The following CDO1 variants were observed in gnomAD, a reference collection of about 807,000 sequenced individuals.
CDO1 encodes cysteine dioxygenase type 1.
A neutral mutation model predicts 24.5 loss-of-function variants in CDO1; 19 were observed. The observed-to-expected ratio is 0.77, with a 90% CI of 0.54 to 1.14. The LOEUF (loss-of-function observed/expected upper bound fraction) is 1.14. Ranked by LOEUF, CDO1 falls within the 50% of genes most tolerant of loss-of-function variation. The pLI is 0.00. For missense variants in CDO1, 244 were observed against 244.8 expected (o/e 1.00, Z 0.02); for synonymous variants, 91 against 87.0 (o/e 1.05, Z -0.26).
At chr5:115,812,168 A>G (rs1228373664) in intron 2 of CDO1, among the ~76,000 whole-genome samples, 1 of 152,230 alleles carries the variant, frequency 6.6e-6, no homozygotes, top group African/African-American at 2.4e-5. Flanking sequence ...TTTCAAAAAT[A>G]TTGAGAGAAT....
Position 115,816,595 on chromosome 5 carries a change from T to C in CDO1, c.-198A>G, listed in dbSNP as rs1760465724. On this transcript the variant is annotated 5_prime_UTR_variant, in exon 1 of 5. Coordinates refer to ENST00000250535, the MANE Select transcript of CDO1 (RefSeq NM_001801.3). ...AGCAAGAGACCCACCCCCAGGCCCC[T>C]GGCAGCGCAGTGGATCCGGGATCGC... is the stretch of plus-strand genomic sequence containing the variant. 8.3e-6 allele frequency: 5 copies of C among 601,356 alleles called. No homozygotes were observed. The East Asian group carries it at 1.4e-4, about 17-fold the overall frequency. The allele number at this position is 601,356 out of a possible 1,614,324, so 37.3% of individuals were successfully genotyped here. A position where few individuals can be genotyped will look rare whatever the true frequency, so the allele number is the denominator to read the frequency against.
In CDO1 at chr5:115,815,025, T is replaced by C. The variant is rs1295508451; in HGVS notation, c.170+1203A>G. On this transcript the variant is annotated intron_variant, in intron 1 of 4. Coordinates refer to ENST00000250535, the MANE Select transcript of CDO1 (RefSeq NM_001801.3). ...GGAATTTCCTCAAGTCACTTGTATA[T>C]GAAAAATGGGATCCTTAGTGGTCTT... Among the ~76,000 whole-genome samples the C allele has an allele frequency of 2.0e-5, 3 of 152,174 alleles. No individual in the cohort carries two copies. In the East Asian group the frequency reaches 5.8e-4, roughly 29 times the overall value.
Position 115,809,337 on chromosome 5 carries a change from T to C in CDO1, c.403+1824A>G, listed in dbSNP as rs1317523672. On this transcript the variant is annotated intron_variant, in intron 3 of 4. Transcript: ENST00000250535. The stretch of plus-strand genomic sequence containing the variant: ...CTTGGGGGTATTTATGAAGCAGAGT[T>C]AGGTCCAGGCCCGGTCGACCTTTTG... 5.3e-5 allele frequency among the ~76,000 whole-genome samples: 8 copies of C among 152,280 alleles called. No homozygotes were observed. In the South Asian group the frequency reaches 1.5e-3, roughly 28 times the overall value.
intron 1 of CDO1, among the ~76,000 whole-genome samples, chr5:115,815,468 G>C (rs548445039): frequency 1.1e-4 from 16 of 152,204 alleles, no homozygotes; most frequent in Admixed American, 8.5e-4. Flanking sequence ...AGATCATTTG[G>C]GGGCTGAAAA....
intron 3 of CDO1, among the ~76,000 whole-genome samples, chr5:115,807,029 C>T (rs956825300): frequency 6.6e-6 from 1 of 152,168 alleles, no homozygotes; most frequent in Non-Finnish European, 1.5e-5. Context: ...TCTCTCTCTT[C>T]TTTCTTTTCA....
chr5:115,805,603 G>T, intron 4 of CDO1, 141 bp from the exon 5 acceptor site: 1 of 701,664 alleles, frequency 1.4e-6, no homozygotes, highest in Admixed American at 2.7e-5. Context: ...CCCGCAATAA[G>T]AATATCTCTT....
At chr5:115,807,212 C>T (rs1228492514) in intron 3 of CDO1, among the ~76,000 whole-genome samples, 1 of 151,898 alleles carries the variant, frequency 6.6e-6, no homozygotes, top group African/African-American at 2.4e-5. Context: ...TTTTTCTTTC[C>T]AGGCAGAAGA....
intron 1 of CDO1, 83 bp downstream of exon 1, chr5:115,816,145 C>A: frequency 6.9e-7 from 1 of 1,443,864 alleles, no homozygotes; most frequent in Non-Finnish European, 9.5e-7. Flanking sequence ...GAGCCAGTCA[C>A]TTTGGGCTGC....
In CDO1 at chr5:115,816,537, A is replaced by G. The variant is rs1760461354; in HGVS notation, c.-140T>C. 2.2e-6 allele frequency: 2 copies of G among 918,742 alleles called. No individual in the cohort carries two copies. Among genetic ancestry groups the G allele is most frequent in the Middle Eastern group, 3.4e-4 (1 of 2,964 alleles). 56.9% of individuals were successfully genotyped at this position (918,742 alleles called of 1,614,324 possible). The stretch of plus-strand genomic sequence containing the variant: ...CACACACGCACAAACCCAGCATTAG[A>G]GTGCCGAAACGTAAGGATGTCGTCG... On this transcript the variant is annotated 5_prime_UTR_variant, in exon 1 of 5. Coordinates refer to ENST00000250535, the MANE Select transcript of CDO1 (RefSeq NM_001801.3).
chr5:115,813,352 A>C, intron 1 of CDO1, 94 bp from the exon 2 acceptor site: 1 of 687,018 alleles, frequency 1.5e-6, no homozygotes, highest in Admixed American at 2.5e-5. Context: ...TTTATTCACA[A>C]ATGTTAACAT....
chr5:115,814,520 T>C (rs1760340168), intron 1 of CDO1: 1 of 152,362 alleles, frequency 6.6e-6, no homozygotes, highest in Non-Finnish European at 1.5e-5. Flanking sequence ...AATTGACTTC[T>C]CTCCCATCTC....
At chr5:115,808,103 C>A (rs1760029282) in intron 3 of CDO1, among the ~76,000 whole-genome samples, 1 of 152,120 alleles carries the variant, frequency 6.6e-6, no homozygotes, top group South Asian at 2.1e-4. Context: ...CTTAGCTTCC[C>A]AAGTATCTGG....
chr5:115,811,031 C>T (rs2112686563), intron 3 of CDO1, 130 bp downstream of exon 3: 1 of 911,148 alleles, frequency 1.1e-6, no homozygotes, highest in East Asian at 2.4e-5. Flanking sequence ...ATGTTTAAGT[C>T]ATTTCCCAAG....
intron 3 of CDO1, among the ~76,000 whole-genome samples, chr5:115,808,916 G>T (rs1217577337): frequency 2.6e-5 from 4 of 152,206 alleles, no homozygotes; most frequent in Admixed American, 2.0e-4. Context: ...ACATCATAAA[G>T]AAGAATGAAG....
chr5:115,812,750 G>A (rs1361256529), intron 2 of CDO1, among the ~76,000 whole-genome samples: 1 of 152,052 alleles, frequency 6.6e-6, no homozygotes, highest in African/African-American at 2.4e-5. Context: ...TTGTGAACAA[G>A]TAAGTAGAAA....
chr5:115,813,189 T>C lies in CDO1; in HGVS notation c.240A>G (p.Gly80=), dbSNP rs1168667162. The change falls in exon 2 of 5, where the codon GGA becomes GGG. Residue 80 remains glycine, a synonymous_variant. Coordinates refer to ENST00000250535, the MANE Select transcript of CDO1 (RefSeq NM_001801.3). Reference sequence around the variant, plus strand: ...ATGAATAGTTATTTTACCTGCCATGTCCTTCACCCCAACAGAGAATCATCA... The same window carrying C: ...ATGAATAGTTATTTTACCTGCCATGCCCTTCACCCCAACAGAGAATCATCA... ...FNLMILCWGE[G]HGSSIHDHTN... The C allele has an allele frequency of 1.3e-6, 2 of 1,581,448 alleles. No homozygotes were observed. The highest frequency in any genetic ancestry group is 1.7e-6 in the Non-Finnish European group (2 of 1,150,926).
At chr5:115,807,283 G>A (rs1177105138) in intron 3 of CDO1, among the ~76,000 whole-genome samples, 6 of 152,170 alleles carry the variant, frequency 3.9e-5, no homozygotes, top group African/African-American at 9.6e-5. Context: ...AGATATTGTC[G>A]CTGGAAGTTC....
At chr5:115,813,309 C>CGTT in intron 1 of CDO1, 51 bp from the exon 2 acceptor site, 1 of 1,014,100 alleles carries the variant, frequency 9.9e-7, no homozygotes, top group Non-Finnish European at 1.6e-6. Flanking sequence ...CTGAAACAAG[C>CGTT]ACTGGAAAAA....
At position 115,815,591 on chromosome 5, in the gene CDO1, T is replaced by C. The variant is rs138822343; in HGVS notation, c.170+637A>G. ...AAAGGGAACAGCAGAAATTCCGTAGTGGCAGCTGACGGCCACAAGACGCTA... is the reference window on the plus strand; with the variant it reads ...AAAGGGAACAGCAGAAATTCCGTAGCGGCAGCTGACGGCCACAAGACGCTA... On this transcript the variant is annotated intron_variant, in intron 1 of 4. Coordinates refer to ENST00000250535, the MANE Select transcript of CDO1 (RefSeq NM_001801.3). Among the ~76,000 whole-genome samples the C allele has an allele frequency of 6.6e-5, 10 of 152,328 alleles. No homozygotes were observed. In the East Asian group the frequency reaches 1.9e-3, roughly 29 times the overall value.
Sources: gnomAD v4.1 joint callset for allele counts (sites outside exome capture counted in the v4.1 genomes callset) on GRCh38, gnomAD v4.1.1 for gene constraint, MANE v1.5 for transcripts, NCBI Gene and HGNC (gene_info 2026-07-23, HGNC 2026-07-21) for gene names.